Variants in C2orf76 observed in about 807,000 individuals in gnomAD.
C2orf76 encodes the protein UPF0538 protein C2orf76.
In C2orf76, 23 loss-of-function variants were observed where a neutral mutation model predicts 16.9. That is an observed-to-expected ratio of 1.36 (90% CI 0.98 to 1.93). The LOEUF is 1.93. C2orf76 is among the 30% of genes most tolerant of loss of function. C2orf76 has a pLI of 0.00. For synonymous variants in C2orf76, 48 were observed against 52.3 expected (o/e 0.92, Z 0.35); for missense variants, 152 against 152.6 (o/e 1.00, Z 0.02).
the C2orf76 span, among the ~76,000 whole-genome samples, chr2:119,286,454 A>G: frequency 2.6e-5 from 4 of 152,050 alleles, no homozygotes; most frequent in African/African-American, 9.7e-5. Context: ...GAAGTCTGAG[A>G]AAGTGGCAGC....
intron 1 of C2orf76, among the ~76,000 whole-genome samples, chr2:119,361,926 C>A (rs1680759166): frequency 6.6e-6 from 1 of 152,170 alleles, no homozygotes; most frequent in Non-Finnish European, 1.5e-5. Flanking sequence ...CAGGGTCTCT[C>A]CCTGTTGCCT....
At chr2:119,311,829 G>A in intron 4 of C2orf76, 126 bp from the exon 5 acceptor site, 3 of 858,336 alleles carry the variant, frequency 3.5e-6, no homozygotes, top group Non-Finnish European at 3.5e-6. Context: ...CACTGCCCTG[G>A]CCGTAATGAG....
the C2orf76 span, among the ~76,000 whole-genome samples, chr2:119,282,253 A>C: frequency 6.6e-6 from 1 of 152,220 alleles, no homozygotes; most frequent in Non-Finnish European, 1.5e-5. Flanking sequence ...TATTTATCAC[A>C]AACGCCGCTG....
intron 5 of C2orf76, among the ~76,000 whole-genome samples, chr2:119,305,524 C>T (rs1272835091): frequency 6.6e-6 from 1 of 152,184 alleles, no homozygotes; most frequent in Non-Finnish European, 1.5e-5. Context: ...TGAGGCACAG[C>T]CCCTGTTGTC....
the C2orf76 span, among the ~76,000 whole-genome samples, chr2:119,292,378 T>C: frequency 2.0e-5 from 3 of 152,262 alleles, no homozygotes; most frequent in South Asian, 6.3e-4. Flanking sequence ...TTTTTCCAGC[T>C]GGTAAAAAAG....
rs531004390 is a variant in C2orf76 at position 119,365,544 on chromosome 2, G to A, written c.-13+1246C>T. 6.6e-5 allele frequency among the ~76,000 whole-genome samples: 10 copies of A among 152,296 alleles called. 1 individual carries two copies. Among genetic ancestry groups the A allele is most frequent in the South Asian group, 2.1e-4 (1 of 4,828 alleles). ...AAGTTAGCAAGTTAAGTCTGAAAGC[G>A]TCTACCTTCCCTGGGGAGGGGGAAG... On this transcript the variant is annotated intron_variant, in intron 1 of 5. Transcript: ENST00000334816.
intron 1 of C2orf76, among the ~76,000 whole-genome samples, chr2:119,350,259 T>C (rs945605917): frequency 6.6e-6 from 1 of 152,106 alleles, no homozygotes; most frequent in Non-Finnish European, 1.5e-5. Flanking sequence ...ATTATATATT[T>C]ATAATATGTA....
At chr2:119,339,267 C>T (rs1476068727) in intron 2 of C2orf76, among the ~76,000 whole-genome samples, 1 of 152,114 alleles carries the variant, frequency 6.6e-6, no homozygotes, top group Admixed American at 6.5e-5. Flanking sequence ...TGGAACACTT[C>T]AATAATTAAA....
At chr2:119,342,227 C>T (rs755738909) in intron 1 of C2orf76, among the ~76,000 whole-genome samples, 2 of 152,088 alleles carry the variant, frequency 1.3e-5, no homozygotes, top group Non-Finnish European at 2.9e-5. Context: ...AATACTACCA[C>T]GAGTGGAAAA....
At chr2:119,282,069 C>A in the C2orf76 span, among the ~76,000 whole-genome samples, 1 of 151,994 alleles carries the variant, frequency 6.6e-6, no homozygotes, top group Non-Finnish European at 1.5e-5. Flanking sequence ...TCACTTGAAT[C>A]CAGGAGGTGG....
At chr2:119,299,026 C>T (rs1245980308), downstream of C2orf76, among the ~76,000 whole-genome samples, 1 of 152,150 alleles carries the variant, frequency 6.6e-6, no homozygotes, top group African/African-American at 2.4e-5. Context: ...AGGGATCCTC[C>T]CACCTCCGCC....
intron 1 of C2orf76, among the ~76,000 whole-genome samples, chr2:119,360,379 G>C (rs1680705911): frequency 6.6e-6 from 1 of 151,404 alleles, no homozygotes; most frequent in South Asian, 2.1e-4. Flanking sequence ...CAGGAGGCTG[G>C]GGCAGGAGAA....
downstream of C2orf76, among the ~76,000 whole-genome samples, chr2:119,301,459 G>A (rs1018625817): frequency 6.6e-6 from 1 of 152,178 alleles, no homozygotes; most frequent in Non-Finnish European, 1.5e-5. Context: ...GCAACTCTGA[G>A]GACTCAAGGA....
intron 2 of C2orf76, among the ~76,000 whole-genome samples, chr2:119,322,709 G>C (rs558580594): frequency 6.6e-6 from 1 of 152,200 alleles, no homozygotes; most frequent in Admixed American, 6.5e-5. Context: ...AAAGAAGGAA[G>C]CTCTCTACTA....
At chr2:119,285,387 T>TG in the C2orf76 span, among the ~76,000 whole-genome samples, 814 of 152,264 alleles carry the variant, frequency 5.3e-3, 8 homozygotes, top group African/African-American at 0.018. Context: ...AGGAGCTTCT[T>TG]GGGGGAAGTG....
chr2:119,337,042 CATTT>C (rs754024409), intron 2 of C2orf76, among the ~76,000 whole-genome samples: 1 of 141,930 alleles, frequency 7.0e-6, no homozygotes, highest in East Asian at 2.0e-4. Context: ...AGGAAAGTTT[CATTT>C]ATTTATTTAT....
chr2:119,346,718 G>C (rs910534117), intron 1 of C2orf76, among the ~76,000 whole-genome samples: 2 of 152,158 alleles, frequency 1.3e-5, no homozygotes, highest in African/African-American at 4.8e-5. Context: ...TCTGATTCTT[G>C]ACTGTAGTGT....
chr2:119,353,459 T>A (rs912190362), intron 1 of C2orf76, among the ~76,000 whole-genome samples: 1 of 151,970 alleles, frequency 6.6e-6, no homozygotes, highest in Non-Finnish European at 1.5e-5. Flanking sequence ...AACTCTTGGA[T>A]GGAGAACGAA....
intron 1 of C2orf76, among the ~76,000 whole-genome samples, chr2:119,355,451 G>T (rs1295046573): frequency 6.6e-6 from 1 of 152,176 alleles, no homozygotes; most frequent in Non-Finnish European, 1.5e-5. Flanking sequence ...GGGCAGGTTT[G>T]CTTGCAGCCC....
Sources: allele counts gnomAD v4.1 joint callset (sites outside exome capture counted in the v4.1 genomes callset), GRCh38; gene constraint gnomAD v4.1.1; transcripts MANE v1.5; gene names NCBI Gene and HGNC (gene_info 2026-07-23, HGNC 2026-07-21).